The following CLUAP1 variants were observed in gnomAD, a reference collection of about 807,000 sequenced individuals.
The protein encoded by CLUAP1 is intraflagellar transport 38.
CLUAP1 carries 50 observed loss-of-function variants against 55.0 expected under a neutral mutation model. That is an observed-to-expected ratio of 0.91 (90% CI 0.72 to 1.15). The LOEUF (loss-of-function observed/expected upper bound fraction) is 1.15. CLUAP1 is among the 50% of genes most tolerant of loss of function. CLUAP1 has a pLI of 0.00. For missense variants in CLUAP1, 530 were observed against 507.6 expected (o/e 1.04, Z -0.42); for synonymous variants, 195 against 175.4 (o/e 1.11, Z -0.88).
At position 3,501,075 on chromosome 16, in the gene CLUAP1, T is replaced by C. The variant is rs1277917152; in HGVS notation, c.8T>C (p.Phe3Ser). The C allele has an allele frequency of 1.3e-6, 2 of 1,598,454 alleles. No individual in the cohort carries two copies. The highest frequency in any genetic ancestry group is 2.2e-5 in the East Asian group (1 of 44,494). ...CCTGGGGACCTGAGCGTTATGTCTT[T>C]CCGCGACCTCCGCAGTAAGGCAGCC... MS[F>S]RDLRNFTEMM... The change falls in exon 1 of 12, where the codon TTC becomes TCC. Residue 3 changes from phenylalanine to serine, a missense_variant. Phe to Ser is a radical substitution (Grantham distance 155, BLOSUM62 -2). Coordinates refer to ENST00000576634, the MANE Select transcript of CLUAP1 (RefSeq NM_015041.3).
At chr16:3,496,273 C>A, upstream of CLUAP1, 1 of 763,660 alleles carries the variant, frequency 1.3e-6, no homozygotes, top group Non-Finnish European at 2.3e-6. Context: ...GGATATCTAA[C>A]TGAGGCTGTT....
chr16:3,501,142 T>G, intron 1 of CLUAP1, 53 bp downstream of exon 1: 1 of 1,537,998 alleles, frequency 6.5e-7, no homozygotes, highest in Non-Finnish European at 8.7e-7. Context: ...GATTCAGGGC[T>G]CCCGCCCGCC....
Position 3,508,357 on chromosome 16 carries a change from G to A in CLUAP1, c.288G>A (p.Glu96=). 1 of 1,610,528 alleles carries A rather than the reference G, an allele frequency of 6.2e-7. No homozygotes were observed. Among genetic ancestry groups the A allele is most frequent in the Non-Finnish European group, 8.5e-7 (1 of 1,179,128 alleles). ...LYQADGYAVK[E]LLKITSVLYN... is the part of the protein sequence containing the mutation. ...AAGCAGATGGGTATGCGGTAAAAGA[G>A]CTGCTGAAGATCACATCTGTCCTTT... The change falls in exon 4 of 12, where the codon GAG becomes GAA. Residue 96 remains glutamate, a synonymous_variant. Transcript: ENST00000576634.
At chr16:3,529,647 ATATTATTATATATTATATAT>A (rs2038046571) in intron 9 of CLUAP1, among the ~76,000 whole-genome samples, 4 of 21,832 alleles carry the variant, frequency 1.8e-4, no homozygotes, top group South Asian at 1.7e-3. Flanking sequence ...TATATATTAT[ATATTATTATATATTATATAT>A]TATTATATAT....
intron 11 of CLUAP1, chr16:3,534,378 G>C (rs1567444049): frequency 6.5e-6 from 1 of 153,164 alleles, no homozygotes; most frequent in African/African-American, 2.4e-5. Flanking sequence ...CTCGCATCGA[G>C]GAGCAGAGGC....
At chr16:3,512,541 C>G in intron 5 of CLUAP1, 63 bp downstream of exon 5, 1 of 1,262,820 alleles carries the variant, frequency 7.9e-7, no homozygotes, top group Non-Finnish European at 1.2e-6. Context: ...TTTTTCAATT[C>G]TGTTTCTCCC....
the CLUAP1 span, among the ~76,000 whole-genome samples, chr16:3,495,955 A>G: frequency 6.6e-6 from 1 of 152,238 alleles, no homozygotes; most frequent in East Asian, 1.9e-4. Flanking sequence ...CCTGGCTAAC[A>G]CGGTGAAACC....
At chr16:3,528,582 C>T (rs937464953) in intron 9 of CLUAP1, among the ~76,000 whole-genome samples, 5 of 152,168 alleles carry the variant, frequency 3.3e-5, no homozygotes, top group Admixed American at 1.3e-4. Flanking sequence ...GCGAGAGGCC[C>T]AGCTCAGCTA....
upstream of CLUAP1, chr16:3,496,392 T>C: frequency 8.5e-7 from 1 of 1,175,522 alleles, no homozygotes. Flanking sequence ...CCTCTGTCCG[T>C]TTCCCGGATG....
intron 2 of CLUAP1, among the ~76,000 whole-genome samples, chr16:3,505,444 G>A (rs1171409009): frequency 6.6e-6 from 1 of 151,884 alleles, no homozygotes; most frequent in Admixed American, 6.6e-5. Context: ...GCAGGAGAAT[G>A]GAGTGAACCC....
Position 3,501,170 on chromosome 16 carries a change from G to A in CLUAP1, c.22+81G>A, listed in dbSNP as rs192397963. On this transcript the variant is annotated intron_variant, in intron 1 of 11. Transcript: ENST00000576634. ...CGCCCGCCGGGTCCCCTGTGTAGGCGATCCCTGAGGCTTGCGCTGCCGGAG... is the reference window on the plus strand; with the variant it reads ...CGCCCGCCGGGTCCCCTGTGTAGGCAATCCCTGAGGCTTGCGCTGCCGGAG... The A allele has an allele frequency of 5.0e-3, 7,022 of 1,402,966 alleles. 41 individuals carry two copies. The highest frequency in any genetic ancestry group is 0.021 in the Middle Eastern group (90 of 4,220). The allele number at this position is 1,402,966 out of a possible 1,614,324, so 86.9% of individuals were successfully genotyped here.
rs549907298 is a variant in CLUAP1, at chr16:3,538,391, T to C, written c.*2120T>C. The C allele has an allele frequency of 3.3e-5, 5 of 151,874 alleles. No individual in the cohort carries two copies. Among genetic ancestry groups the C allele is most frequent in the Non-Finnish European group, 7.4e-5 (5 of 67,988 alleles). 9.4% of individuals were successfully genotyped at this position (151,874 alleles called of 1,614,324 possible). On this transcript the variant is annotated 3_prime_UTR_variant, in exon 12 of 12. Coordinates refer to ENST00000576634, the MANE Select transcript of CLUAP1 (RefSeq NM_015041.3). ...ATGCACCATATTGTAAATGATCCACTGACAGGGAAGCCAGCGTGTTGGAGC... is the reference window on the plus strand; with the variant it reads ...ATGCACCATATTGTAAATGATCCACCGACAGGGAAGCCAGCGTGTTGGAGC...
At chr16:3,516,605 G>T (rs1218893422) in intron 6 of CLUAP1, among the ~76,000 whole-genome samples, 1 of 152,144 alleles carries the variant, frequency 6.6e-6, no homozygotes, top group Non-Finnish European at 1.5e-5. Flanking sequence ...GAAATTGGAG[G>T]TGTTGGTTAA....
intron 11 of CLUAP1, chr16:3,534,935 T>C (rs1421379437): frequency 2.0e-5 from 3 of 152,256 alleles, no homozygotes; most frequent in East Asian, 1.9e-4. Context: ...ATTTGGTTGG[T>C]ATCTAAGCCA....
At chr16:3,524,317 A>C (rs1435009234) in intron 8 of CLUAP1, among the ~76,000 whole-genome samples, 2 of 149,100 alleles carry the variant, frequency 1.3e-5, no homozygotes, top group African/African-American at 2.5e-5. Flanking sequence ...GAAAAAAAAA[A>C]AGGGCCGGGC....
intron 1 of CLUAP1, among the ~76,000 whole-genome samples, chr16:3,502,950 G>A (rs77897677): frequency 6.6e-6 from 1 of 152,246 alleles, no homozygotes; most frequent in African/African-American, 2.4e-5. Flanking sequence ...TATTTAGGCA[G>A]TGCCTTACTG....
In CLUAP1 at chr16:3,529,464, TA is replaced by T. The variant is rs1250581821; in HGVS notation, c.929-1103del. On this transcript the variant is annotated intron_variant, in intron 9 of 11. Transcript: ENST00000576634. ...TTATATTATATATTATTATATATAA[TA>T]TATATTATATTATATATTATATAAT... Among the ~76,000 whole-genome samples the T allele has an allele frequency of 4.8e-3, 365 of 75,536 alleles. 7 individuals are homozygous for T. The highest frequency in any genetic ancestry group is 0.017 in the African/African-American group (263 of 15,502). 49.6% of individuals were successfully genotyped at this position (75,536 alleles called of 152,430 possible). A position where few individuals can be genotyped will look rare whatever the true frequency, so the allele number is the denominator to read the frequency against.
chr16:3,529,676 A>G (rs1244727473), intron 9 of CLUAP1, among the ~76,000 whole-genome samples: 3 of 13,542 alleles, frequency 2.2e-4, no homozygotes, highest in South Asian at 2.2e-3. Flanking sequence ...ATTATTATAT[A>G]TTATATATTA....
chr16:3,519,444 C>A (rs1379349107), intron 6 of CLUAP1, among the ~76,000 whole-genome samples: 1 of 152,220 alleles, frequency 6.6e-6, no homozygotes, highest in Non-Finnish European at 1.5e-5. Context: ...CTGGGACCAG[C>A]TGTTTCTTTC....
Sources: gnomAD v4.1 joint callset for allele counts (sites outside exome capture counted in the v4.1 genomes callset) on GRCh38, gnomAD v4.1.1 for gene constraint, MANE v1.5 for transcripts, NCBI Gene and HGNC (gene_info 2026-07-23, HGNC 2026-07-21) for gene names.